CD9: variants seen among roughly 807,000 people sequenced by gnomAD.
CD9 encodes the protein CD9 molecule, also known as CD9 antigen.
A neutral mutation model predicts 31.4 loss-of-function variants in CD9; 10 were observed. The ratio of observed to expected loss-of-function variants is 0.32; its 90% CI spans 0.20 to 0.54. The LOEUF (loss-of-function observed/expected upper bound fraction) is 0.54, where lower values mean the gene tolerates loss of function less well. Among genes scored for constraint, CD9 ranks in the 20% least tolerant of loss-of-function variants. The pLI, the probability that CD9 is intolerant of heterozygous loss-of-function variation, is 0.94. For missense variants in CD9, 259 were observed against 300.1 expected (o/e 0.86, Z 1.01); for synonymous variants, 113 against 114.1 (o/e 0.99, Z 0.06).
At chr12:6,233,687 T>G (rs1392515346) in intron 4 of CD9, among the ~76,000 whole-genome samples, 1 of 152,148 alleles carries the variant, frequency 6.6e-6, no homozygotes, top group Admixed American at 6.5e-5. Flanking sequence ...TGTCCGAGAT[T>G]GTGCCAGCCA....
intron 1 of CD9, among the ~76,000 whole-genome samples, chr12:6,223,996 C>T (rs547175823): frequency 6.6e-6 from 1 of 152,252 alleles, no homozygotes; most frequent in Admixed American, 6.5e-5. Context: ...CTTGTCCAGC[C>T]GCGGGGCATG....
chr12:6,235,906 T>G, intron 6 of CD9: 1 of 1,376,778 alleles, frequency 7.3e-7, no homozygotes, highest in Non-Finnish European at 9.4e-7. Context: ...AACTCCAGAA[T>G]AGTAAAAGGT....
At chr12:6,211,549 G>C (rs988343672) in intron 1 of CD9, among the ~76,000 whole-genome samples, 9 of 152,256 alleles carry the variant, frequency 5.9e-5, no homozygotes, top group African/African-American at 2.2e-4. Flanking sequence ...GGCCACGCAC[G>C]CACGTGGCGG....
chr12:6,207,140 C>T (rs191897505), intron 1 of CD9, among the ~76,000 whole-genome samples: 8 of 152,240 alleles, frequency 5.3e-5, no homozygotes, highest in Admixed American at 3.3e-4. Flanking sequence ...CCTCGGACTC[C>T]CAAAGCACTG....
At chr12:6,236,320 C>T (rs1946523881) in intron 7 of CD9, 45 bp downstream of exon 7, 1 of 1,547,178 alleles carries the variant, frequency 6.5e-7, no homozygotes, top group Non-Finnish European at 8.9e-7. Context: ...GAGGAGTTCA[C>T]ATTGATTCAG....
intron 1 of CD9, among the ~76,000 whole-genome samples, chr12:6,208,638 C>T (rs989525397): frequency 5.9e-5 from 9 of 151,280 alleles, no homozygotes; most frequent in Non-Finnish European, 8.8e-5. Context: ...ATGGTGCGAT[C>T]GCAGCTCACC....
At chr12:6,216,809 C>T (rs980797681) in intron 1 of CD9, among the ~76,000 whole-genome samples, 3 of 152,160 alleles carry the variant, frequency 2.0e-5, no homozygotes, top group Non-Finnish European at 4.4e-5. Flanking sequence ...CCGCCTTCTC[C>T]GATCACAGGA....
At chr12:6,228,773 G>A (rs7133191) in intron 2 of CD9, among the ~76,000 whole-genome samples, 161 of 152,306 alleles carry the variant, frequency 1.1e-3, no homozygotes, top group African/African-American at 3.7e-3. Context: ...AGATGAGCTT[G>A]GAGTGCCAGC....
chr12:6,236,374 A>G (rs535644067), intron 7 of CD9, 99 bp downstream of exon 7: 26 of 1,048,678 alleles, frequency 2.5e-5, no homozygotes, highest in Non-Finnish European at 3.6e-5. Flanking sequence ...GCATTTGTCA[A>G]CTCACTTTGT....
intron 1 of CD9, among the ~76,000 whole-genome samples, chr12:6,204,620 G>C (rs1415964624): frequency 6.6e-6 from 1 of 152,192 alleles, no homozygotes; most frequent in Admixed American, 6.5e-5. Flanking sequence ...CACCAGTCCT[G>C]GGTTCCATGT....
intron 6 of CD9, 119 bp downstream of exon 6, chr12:6,235,684 G>T (rs944886330): frequency 4.2e-6 from 6 of 1,444,220 alleles, no homozygotes; most frequent in Middle Eastern, 1.8e-4. Context: ...CTGTGAAAGG[G>T]CCCCAGGGCA....
At chr12:6,200,385 C>T (rs979016032), upstream of CD9, 8 of 669,794 alleles carry the variant, frequency 1.2e-5, no homozygotes, top group South Asian at 4.8e-5. Context: ...AAAGTGCAGC[C>T]GGAGACCAGC....
intron 2 of CD9, among the ~76,000 whole-genome samples, chr12:6,228,334 C>A (rs1486703773): frequency 6.6e-6 from 1 of 152,010 alleles, no homozygotes; most frequent in Non-Finnish European, 1.5e-5. Context: ...GGCAGATCAC[C>A]CGAGGTCAGG....
chr12:6,202,737 G>A (rs1680482206), intron 1 of CD9, among the ~76,000 whole-genome samples: 1 of 152,188 alleles, frequency 6.6e-6, no homozygotes, highest in South Asian at 2.1e-4. Flanking sequence ...GATGACCTAT[G>A]TAGTCTGAAA....
At chr12:6,237,721 G>A in intron 7 of CD9, 42 bp from the exon 8 acceptor site, 1 of 1,511,160 alleles carries the variant, frequency 6.6e-7, no homozygotes, top group Non-Finnish European at 9.2e-7. Context: ...CCTTCCTTCA[G>A]ATCAAACCAC....
Position 6,232,837 on chromosome 12 carries a change from A to G in CD9, c.273+108A>G. The G allele has an allele frequency of 1.3e-6, 1 of 773,088 alleles. No individual in the cohort carries two copies. The highest frequency in any genetic ancestry group is 2.2e-6 in the Non-Finnish European group (1 of 449,616). 47.9% of individuals were successfully genotyped at this position (773,088 alleles called of 1,614,324 possible). A position where few individuals can be genotyped will look rare whatever the true frequency, so the allele number is the denominator to read the frequency against. On this transcript the variant is annotated intron_variant, in intron 3 of 7. Coordinates refer to ENST00000009180, the MANE Select transcript of CD9 (RefSeq NM_001769.4). The surrounding 1 kb of genome is among the most constrained non-coding windows in gnomAD (Gnocchi z 4.8). ...CAGATGGAGGGGGATGGGGTCAGGA[A>G]GGTACCCAAAGGGCATGAGCTGTCC... is the stretch of plus-strand genomic sequence containing the variant.
At chr12:6,236,508 G>A (rs1247934930) in intron 7 of CD9, 5 of 569,520 alleles carry the variant, frequency 8.8e-6, no homozygotes, top group Non-Finnish European at 1.6e-5. Flanking sequence ...CTTCTAAAGA[G>A]TCGACTCTCT....
Position 6,232,394 on chromosome 12 carries a change from G to C in CD9, c.176-238G>C, listed in dbSNP as rs189566315. 8.2e-5 allele frequency: 48 copies of C among 587,286 alleles called. No homozygotes were observed. In the East Asian group the frequency reaches 1.1e-3, roughly 14 times the overall value. The allele number at this position is 587,286 out of a possible 1,614,324, so 36.4% of individuals were successfully genotyped here. ...CACCTTCCAGAAGGGCTGAGGGTAA[G>C]GTAGGAGCGTGAGCTTGATGAAGCA... On this transcript the variant is annotated intron_variant, in intron 2 of 7. Transcript: ENST00000009180. This position sits in a 1 kb window ranked among gnomAD's most constrained non-coding sequence, Gnocchi z 4.8.
chr12:6,225,929 G>T (rs1480062504), intron 2 of CD9, among the ~76,000 whole-genome samples: 4 of 152,264 alleles, frequency 2.6e-5, no homozygotes, highest in Admixed American at 6.5e-5. Context: ...AGTGCTGGAA[G>T]AAGATATAGA....
Sources: allele counts gnomAD v4.1 joint callset (sites outside exome capture counted in the v4.1 genomes callset), GRCh38; gene constraint gnomAD v4.1.1; non-coding constraint Gnocchi (gnomAD v3.1); transcripts MANE v1.5; gene names NCBI Gene and HGNC (gene_info 2026-07-23, HGNC 2026-07-21).